The following TTLL11 variants were observed in gnomAD, a reference collection of about 807,000 sequenced individuals.
TTLL11 encodes the protein tubulin polyglutamylase TTLL11.
A neutral mutation model predicts 51.7 loss-of-function variants in TTLL11; 42 were observed. That is an observed-to-expected ratio of 0.81 (90% CI 0.64 to 1.05). The LOEUF is 1.05. TTLL11 is among the 50% of genes least tolerant of loss of function. The pLI is 0.00. For missense variants in TTLL11, 799 were observed against 940.4 expected (o/e 0.85, Z 1.97); for synonymous variants, 381 against 383.5 (o/e 0.99, Z 0.08).
intron 1 of TTLL11, among the ~76,000 whole-genome samples, chr9:122,091,286 T>C (rs1007312865): frequency 6.6e-6 from 1 of 152,264 alleles, no homozygotes; most frequent in Admixed American, 6.5e-5. Context: ...CACTGACAAG[T>C]TGTCCAGTTG....
intron 6 of TTLL11, among the ~76,000 whole-genome samples, chr9:121,968,576 G>A (rs1842472707): frequency 6.6e-6 from 1 of 151,608 alleles, no homozygotes; most frequent in South Asian, 2.1e-4. Flanking sequence ...TTTCTTTTTT[G>A]AGACAGAGTC....
At chr9:121,863,955 C>T (rs1838098747) in intron 7 of TTLL11, among the ~76,000 whole-genome samples, 1 of 152,142 alleles carries the variant, frequency 6.6e-6, no homozygotes, top group Non-Finnish European at 1.5e-5. Context: ...AATCAAGAAA[C>T]CAGGTCTCAG....
rs116297392 is a variant in TTLL11, at chr9:121,921,969, C to G, written c.1482-51221G>C. Among the ~76,000 whole-genome samples the G allele has an allele frequency of 3.4e-3, 512 of 152,318 alleles. 4 individuals carry two copies. Among genetic ancestry groups the G allele is most frequent in the African/African-American group, 0.012 (497 of 41,564 alleles). On this transcript the variant is annotated intron_variant, in intron 6 of 8. Transcript: ENST00000321582. Reference sequence around the variant, plus strand: ...GCCTGACACAGTCACAGACTGAAAACTTTTCATCTGTGCTTCAAGGATCAT... The same window carrying G: ...GCCTGACACAGTCACAGACTGAAAAGTTTTCATCTGTGCTTCAAGGATCAT...
intron 6 of TTLL11, among the ~76,000 whole-genome samples, chr9:121,947,387 T>C (rs1841706150): frequency 6.6e-6 from 1 of 152,222 alleles, no homozygotes; most frequent in South Asian, 2.1e-4. Context: ...AGGAAGCAGC[T>C]GTATCATGCA....
intron 5 of TTLL11, 150 bp downstream of exon 5, chr9:121,974,734 A>C: frequency 1.5e-6 from 1 of 656,008 alleles, no homozygotes; most frequent in Non-Finnish European, 2.6e-6. Context: ...CTATGTTGAG[A>C]ACTCAACAAA....
rs887454627 is a variant in TTLL11 at position 121,845,081 on chromosome 9, T to C, written c.1840+15256A>G. 2.6e-5 allele frequency among the ~76,000 whole-genome samples: 4 copies of C among 152,076 alleles called. No homozygotes were observed. The Middle Eastern group carries it at 0.01, about 388-fold the overall frequency. On this transcript the variant is annotated intron_variant, in intron 8 of 8. Coordinates refer to ENST00000321582, the MANE Select transcript of TTLL11 (RefSeq NM_001139442.2). Reference sequence around the variant, plus strand: ...CCTAGAGAAAATCATATTTAAACTGTAGAAAACCAGAGACAAAGAGAAAAT... The same window carrying C: ...CCTAGAGAAAATCATATTTAAACTGCAGAAAACCAGAGACAAAGAGAAAAT...
In TTLL11 at chr9:121,989,793, C is replaced by T; in HGVS notation, c.694-23G>A. The T allele has an allele frequency of 6.4e-7, 1 of 1,568,192 alleles. No individual in the cohort carries two copies. The highest frequency in any genetic ancestry group is 8.6e-7 in the Non-Finnish European group (1 of 1,157,566). On this transcript the variant is annotated intron_variant, in intron 3 of 8. Transcript: ENST00000321582. The surrounding 1 kb of genome is among the most constrained non-coding windows in gnomAD (Gnocchi z 4.2). ...AACCTGGAGGGGGAAAAAAGGATGG[C>T]CGACATTATATTGTTTTCCCTCTGG...
In TTLL11 at chr9:121,820,890, G is replaced by A. The variant is rs1381536455; in HGVS notation, c.*1697C>T. ...GGGCTCTGCAGGGCTCAGTTCCACG[G>A]CCCCTCTAGGCTGGGGAAGGGCAGC... On this transcript the variant is annotated 3_prime_UTR_variant, in exon 9 of 9. Transcript: ENST00000321582. 6.6e-6 allele frequency among the ~76,000 whole-genome samples: 1 copy of A among 151,782 alleles called. No individual in the cohort carries two copies. The highest frequency in any genetic ancestry group is 2.4e-5 in the African/African-American group (1 of 41,320).
chr9:121,933,782 C>T (rs904362704), intron 6 of TTLL11, among the ~76,000 whole-genome samples: 2 of 152,282 alleles, frequency 1.3e-5, no homozygotes, highest in Middle Eastern at 3.4e-3. Context: ...TTGGTTTCTA[C>T]ATTTGGTCTG....
rs1449619122 is a variant in TTLL11 at position 121,816,567 on chromosome 9, C to CGTGTGCGTGTGTGCATGT, written c.*6002_*6019dup. ...GTGTGCGTGCGCACGTGTGTGCATG[C>CGTGTGCGTGTGTGCATGT]GTGTGCGTGTGTGCATGTGTGTGCG... On this transcript the variant is annotated 3_prime_UTR_variant, in exon 9 of 9. Transcript: ENST00000321582. The CGTGTGCGTGTGTGCATGT allele has an allele frequency of 1.3e-5, 2 of 148,674 alleles. No individual in the cohort carries two copies. The highest frequency in any genetic ancestry group is 2.0e-4 in the East Asian group (1 of 4,966). The allele number at this position is 148,674 out of a possible 1,614,324, so 9.2% of individuals were successfully genotyped here.
At chr9:122,004,020 G>A (rs1415229013) in intron 3 of TTLL11, among the ~76,000 whole-genome samples, 1 of 151,700 alleles carries the variant, frequency 6.6e-6, no homozygotes, top group Non-Finnish European at 1.5e-5. Context: ...TACTCAGGAG[G>A]CTGAGGTGGG....
intron 6 of TTLL11, among the ~76,000 whole-genome samples, chr9:121,924,059 G>A (rs1840631826): frequency 6.6e-6 from 1 of 152,160 alleles, no homozygotes. Context: ...TGATTGTGAG[G>A]CTTCCCCAGC....
In TTLL11 at chr9:121,948,602, A is replaced by C. The variant is rs140788922; in HGVS notation, c.1481+25407T>G. ...GATCCTTGTAATGACTGGATGAGGT[A>C]GGTATGGTCCCAGTTTACAGATGCA... On this transcript the variant is annotated intron_variant, in intron 6 of 8. Transcript: ENST00000321582. Among the ~76,000 whole-genome samples, 36 of 152,284 alleles carry C rather than the reference A, an allele frequency of 2.4e-4. No homozygotes were observed. In the South Asian group the frequency reaches 6.0e-3, roughly 25 times the overall value.
intron 1 of TTLL11, among the ~76,000 whole-genome samples, chr9:122,074,344 G>A (rs1476765647): frequency 6.6e-6 from 1 of 151,548 alleles, no homozygotes; most frequent in African/African-American, 2.4e-5. Context: ...TTTAACATAT[G>A]GAATATTTTT....
Position 121,891,370 on chromosome 9 carries a change from C to T in TTLL11, c.1482-20622G>A, listed in dbSNP as rs563992414. Among the ~76,000 whole-genome samples, 10 of 152,322 alleles carry T rather than the reference C, an allele frequency of 6.6e-5. No homozygotes were observed. The East Asian group carries it at 1.9e-3, about 29-fold the overall frequency. On this transcript the variant is annotated intron_variant, in intron 6 of 8. Transcript: ENST00000321582. ...ATACGATATGTACAACATCTGCCAC[C>T]GTGCCTGGCACAGGGCAGGCATTTA...
intron 3 of TTLL11, among the ~76,000 whole-genome samples, chr9:122,031,420 C>A (rs983904422): frequency 6.6e-6 from 1 of 152,180 alleles, no homozygotes; most frequent in African/African-American, 2.4e-5. Flanking sequence ...GGGGCCCAGC[C>A]ACCTGCTCCG....
intron 8 of TTLL11, among the ~76,000 whole-genome samples, chr9:121,833,977 A>T (rs1001748407): frequency 2.0e-5 from 3 of 152,144 alleles, no homozygotes; most frequent in African/African-American, 7.2e-5. Context: ...ACTCACCTAG[A>T]AGAGATGTTT....
At chr9:121,918,482 T>C (rs1840417308) in intron 6 of TTLL11, among the ~76,000 whole-genome samples, 1 of 152,188 alleles carries the variant, frequency 6.6e-6, no homozygotes, top group South Asian at 2.1e-4. Flanking sequence ...TGGTGTCACC[T>C]AAGCTGGGTC....
chr9:121,942,410 C>T (rs746332988), intron 6 of TTLL11, among the ~76,000 whole-genome samples: 3 of 152,180 alleles, frequency 2.0e-5, no homozygotes, highest in African/African-American at 7.2e-5. Flanking sequence ...GACTTATTTG[C>T]TCACTTGTGT....
Sources: gnomAD v4.1 joint callset for allele counts (sites outside exome capture counted in the v4.1 genomes callset) on GRCh38, gnomAD v4.1.1 for gene constraint, Gnocchi (gnomAD v3.1) non-coding constraint, MANE v1.5 for transcripts, NCBI Gene and HGNC (gene_info 2026-07-23, HGNC 2026-07-21) for gene names.